The following CHST8 variants were observed in gnomAD, a reference collection of about 807,000 sequenced individuals.
CHST8 encodes GALNAC-4-ST1.
CHST8 carries 10 observed loss-of-function variants against 15.0 expected under a neutral mutation model. The observed-to-expected ratio is 0.67, with a 90% CI of 0.41 to 1.13. The LOEUF (loss-of-function observed/expected upper bound fraction) is 1.13, where lower values mean the gene tolerates loss of function less well. Ranked by LOEUF, CHST8 falls within the 50% of genes most tolerant of loss-of-function variation. The pLI, the probability that CHST8 is intolerant of heterozygous loss-of-function variation, is 0.00. For synonymous variants in CHST8, 259 were observed against 256.6 expected, an observed-to-expected ratio of 1.01 and a Z score of -0.09; for missense variants, 634 against 608.2, an observed-to-expected ratio of 1.04 and a Z score of -0.45.
At position 33,667,851 on chromosome 19, in the gene CHST8, A is replaced by G. The variant is rs924162476; in HGVS notation, c.-87+8A>G. 1.3e-5 allele frequency: 2 copies of G among 152,222 alleles called. No individual in the cohort carries two copies. The highest frequency in any genetic ancestry group is 4.8e-5 in the African/African-American group (2 of 41,460). The allele number at this position is 152,222 out of a possible 1,614,324, so 9.4% of individuals were successfully genotyped here. A position where few individuals can be genotyped will look rare whatever the true frequency, so the allele number is the denominator to read the frequency against. On this transcript the variant is annotated splice_region_variant and intron_variant, in intron 2 of 4. Coordinates refer to ENST00000650847, the MANE Select transcript of CHST8 (RefSeq NM_001127895.2). ...AGACTCGTTTATGTTCAGGTAATGC[A>G]CAAAGAAATCTATAAATCAAGCTGA...
At chr19:33,758,137 G>GT (rs1974641381) in intron 3 of CHST8, among the ~76,000 whole-genome samples, 1 of 149,316 alleles carries the variant, frequency 6.7e-6, no homozygotes, top group Non-Finnish European at 1.5e-5. Flanking sequence ...GTGGGGTGGG[G>GT]TGGGGGGGCA....
chr19:33,762,329 G>C (rs540555017), intron 3 of CHST8, among the ~76,000 whole-genome samples: 1 of 152,304 alleles, frequency 6.6e-6, no homozygotes, highest in African/African-American at 2.4e-5. Context: ...ACAGCCGTTG[G>C]GTTTGTAGAC....
chr19:33,748,524 G>A (rs1260904680), intron 3 of CHST8, among the ~76,000 whole-genome samples: 1 of 152,202 alleles, frequency 6.6e-6, no homozygotes. Context: ...GCTTCTGCTG[G>A]GGTCCCAGCT....
intron 3 of CHST8, among the ~76,000 whole-genome samples, chr19:33,759,421 T>C (rs576567928): frequency 2.0e-4 from 31 of 152,314 alleles, no homozygotes; most frequent in Admixed American, 3.9e-4. Context: ...GGCATGGTGC[T>C]GTGAGGTCAC....
chr19:33,743,796 CT>C (rs35370834), intron 3 of CHST8, among the ~76,000 whole-genome samples: 75,539 of 140,302 alleles, frequency 0.54, 20,140 homozygotes, highest in African/African-American at 0.64. Context: ...TTCTTTTTTT[CT>C]TTTTTTTTTT....
At chr19:33,636,833 G>A (rs1009587336) in intron 1 of CHST8, among the ~76,000 whole-genome samples, 27 of 152,122 alleles carry the variant, frequency 1.8e-4, no homozygotes, top group Non-Finnish European at 3.1e-4. Flanking sequence ...CCCGGGAGGC[G>A]AAGGTTGCAG....
At chr19:33,667,210 G>A (rs1159966797) in intron 1 of CHST8, among the ~76,000 whole-genome samples, 1 of 152,212 alleles carries the variant, frequency 6.6e-6, no homozygotes, top group African/African-American at 2.4e-5. Context: ...ACAGTGGTCA[G>A]CCACAAGTGG....
chr19:33,759,865 G>A (rs1458393520), intron 3 of CHST8, among the ~76,000 whole-genome samples: 1 of 152,316 alleles, frequency 6.6e-6, no homozygotes, highest in Non-Finnish European at 1.5e-5. Flanking sequence ...AGCCCCACAT[G>A]ACATCAGTAG....
chr19:33,636,650 C>T (rs916894890), intron 1 of CHST8, among the ~76,000 whole-genome samples: 2 of 152,164 alleles, frequency 1.3e-5, no homozygotes, highest in Admixed American at 1.3e-4. Context: ...CCTGTAATCC[C>T]AGCACTTTCA....
rs1972682415 is a variant in CHST8 at position 33,667,831 on chromosome 19, C to G, written c.-99C>G. 6.6e-6 allele frequency: 1 copy of G among 152,000 alleles called. No homozygotes were observed. The highest frequency in any genetic ancestry group is 1.5e-5 in the Non-Finnish European group (1 of 68,012). The allele number at this position is 152,000 out of a possible 1,614,324, so 9.4% of individuals were successfully genotyped here. On this transcript the variant is annotated 5_prime_UTR_variant, in exon 2 of 5. Transcript: ENST00000650847. ...AGTACGCAAGAAATAATGCAAGACT[C>G]GTTTATGTTCAGGTAATGCACAAAG... is the stretch of plus-strand genomic sequence containing the variant.
At chr19:33,682,184 G>GGT (rs1972900869) in intron 2 of CHST8, among the ~76,000 whole-genome samples, 2 of 121,914 alleles carry the variant, frequency 1.6e-5, no homozygotes, top group African/African-American at 6.7e-5. Flanking sequence ...GGTTTTTGTT[G>GGT]TTGTTTTTTT....
chr19:33,742,071 A>T (rs1014562397), intron 3 of CHST8, among the ~76,000 whole-genome samples: 2 of 152,172 alleles, frequency 1.3e-5, no homozygotes, highest in Non-Finnish European at 2.9e-5. Flanking sequence ...GTCAAAAAAA[A>T]ATCTAGAAAT....
intron 3 of CHST8, among the ~76,000 whole-genome samples, chr19:33,699,051 G>T (rs7254433): frequency 6.6e-6 from 1 of 152,096 alleles, no homozygotes; most frequent in Non-Finnish European, 1.5e-5. Context: ...CCTGCTCCCC[G>T]TTGGGCTGGA....
intron 1 of CHST8, among the ~76,000 whole-genome samples, chr19:33,641,222 C>T (rs1350343095): frequency 6.6e-6 from 1 of 152,196 alleles, no homozygotes; most frequent in Non-Finnish European, 1.5e-5. Context: ...GGCAACTCAG[C>T]CCAAGATCCT....
rs73033191 is a variant in CHST8, at chr19:33,712,826, C to A, written c.130+23435C>A. On this transcript the variant is annotated intron_variant, in intron 3 of 4. Transcript: ENST00000650847. ...CCACCCCCAACTTTGGTGCTGGGATCCCCTGCTCAGTGTCTGCCCTGATCA... is the reference window on the plus strand; with the variant it reads ...CCACCCCCAACTTTGGTGCTGGGATACCCTGCTCAGTGTCTGCCCTGATCA... Among the ~76,000 whole-genome samples, 6 of 152,120 alleles carry A rather than the reference C, an allele frequency of 3.9e-5. No individual in the cohort carries two copies. The East Asian group carries it at 9.7e-4, about 24-fold the overall frequency.
chr19:33,721,282 TCCAGTCC>T (rs1164160578), intron 3 of CHST8, among the ~76,000 whole-genome samples: 2 of 152,098 alleles, frequency 1.3e-5, no homozygotes, highest in African/African-American at 4.8e-5. Flanking sequence ...CTCACATTCC[TCCAGTCC>T]CCAGTCCTTC....
At chr19:33,674,345 A>T (rs1212391967) in intron 2 of CHST8, among the ~76,000 whole-genome samples, 1 of 152,158 alleles carries the variant, frequency 6.6e-6, no homozygotes, top group African/African-American at 2.4e-5. Flanking sequence ...AGGAGCTGCC[A>T]TCGGCATGGG....
intron 3 of CHST8, among the ~76,000 whole-genome samples, chr19:33,770,085 A>C (rs1974942841): frequency 6.6e-6 from 1 of 152,012 alleles, no homozygotes; most frequent in Non-Finnish European, 1.5e-5. Flanking sequence ...TCAGCCTTAC[A>C]TTGTCTGGGG....
intron 3 of CHST8, among the ~76,000 whole-genome samples, chr19:33,725,013 C>T (rs1409893760): frequency 1.3e-5 from 2 of 152,050 alleles, no homozygotes; most frequent in Non-Finnish European, 2.9e-5. Context: ...CCATCGGCAG[C>T]GCACAGCTGT....
Sources: allele counts gnomAD v4.1 joint callset (sites outside exome capture counted in the v4.1 genomes callset), GRCh38; gene constraint gnomAD v4.1.1; transcripts MANE v1.5; gene names NCBI Gene and HGNC (gene_info 2026-07-23, HGNC 2026-07-21).